ZMIZ2: variants seen among roughly 807,000 people sequenced by gnomAD.
ZMIZ2 encodes zinc finger MIZ-type containing 2.
Under a neutral mutation model 93.9 loss-of-function variants are expected in ZMIZ2, and 26 were observed. That is an observed-to-expected ratio of 0.28 (90% CI 0.20 to 0.38). The LOEUF (loss-of-function observed/expected upper bound fraction) is 0.38, where lower values mean the gene tolerates loss of function less well. ZMIZ2 is among the 10% of genes least tolerant of loss of function. The pLI, the probability that ZMIZ2 is intolerant of heterozygous loss-of-function variation, is 1.00. For synonymous variants in ZMIZ2, 485 were observed against 516.4 expected (o/e 0.94, Z 0.82); for missense variants, 1,023 against 1,235.0 (o/e 0.83, Z 2.57).
At chr7:44,759,101 A>AC (rs1303549325) in intron 6 of ZMIZ2, among the ~76,000 whole-genome samples, 180 bp from the exon 7 acceptor site, 49 of 150,444 alleles carry the variant, frequency 3.3e-4, no homozygotes, top group African/African-American at 1.1e-3. Context: ...AAAAAAAAAA[A>AC]AAAAAACAGG....
At position 44,766,264 on chromosome 7, in the gene ZMIZ2, C is replaced by G. The variant is rs1447460814; in HGVS notation, c.2343C>G (p.Ile781Met). 6.3e-7 allele frequency: 1 copy of G among 1,595,144 alleles called. No homozygotes were observed. Among genetic ancestry groups the G allele is most frequent in the Non-Finnish European group, 8.5e-7 (1 of 1,170,214 alleles). The change falls in exon 17 of 19, where the codon ATC becomes ATG. Residue 781 changes from isoleucine to methionine, a missense_variant. Ile to Met is a conservative substitution (Grantham distance 10). Around this residue, in one of 3 missense-constraint regions of ZMIZ2, gnomAD observed 319 missense variants for 358.8 expected, o/e 0.89. Coordinates refer to ENST00000309315, the MANE Select transcript of ZMIZ2 (RefSeq NM_031449.4). This position sits in a 1 kb window ranked among gnomAD's most constrained non-coding sequence, Gnocchi z 4.4. The stretch of plus-strand genomic sequence containing the variant: ...AGTTCACCCCGGGACCACCCCCCAT[C>G]TCCTACCAGTCTGACATTCCCAGCA... ...LAEFTPGPPPISYQSDIPSSL... is the reference protein window; with the variant it reads ...LAEFTPGPPPMSYQSDIPSSL...
chr7:44,752,552 A>G (rs556141099), intron 1 of ZMIZ2, among the ~76,000 whole-genome samples: 3 of 152,288 alleles, frequency 2.0e-5, no homozygotes, highest in East Asian at 1.9e-4. Context: ...GCAATCACCA[A>G]TCTGTTCTCC....
chr7:44,749,518 G>A (rs767413454), intron 1 of ZMIZ2, among the ~76,000 whole-genome samples: 9 of 152,210 alleles, frequency 5.9e-5, no homozygotes, highest in Non-Finnish European at 1.2e-4. Context: ...ACGACGCTGA[G>A]CGGCCAGCCC....
At chr7:44,759,096 A>AAC (rs992431743) in intron 6 of ZMIZ2, among the ~76,000 whole-genome samples, 185 bp from the exon 7 acceptor site, 1 of 147,568 alleles carries the variant, frequency 6.8e-6, no homozygotes, top group African/African-American at 2.5e-5. Flanking sequence ...AAAAAAAAAA[A>AAC]AAAAAAAAAA....
chr7:44,754,852 C>T (rs1790457303), intron 1 of ZMIZ2, among the ~76,000 whole-genome samples: 1 of 152,224 alleles, frequency 6.6e-6, no homozygotes, highest in African/African-American at 2.4e-5. Context: ...GAAGCGGCCT[C>T]TCCTGTGCTG....
Position 44,761,941 on chromosome 7 carries a change from G to C in ZMIZ2, c.1596+36G>C. On this transcript the variant is annotated intron_variant, in intron 11 of 18. Transcript: ENST00000309315. This position sits in a 1 kb window ranked among gnomAD's most constrained non-coding sequence, Gnocchi z 5.8. ...TGCGCCGAGGGGGCGGTGCTGTGGCGTGGGGCGGGGTGTGGTGGGGCCTGG... is the reference window on the plus strand; with the variant it reads ...TGCGCCGAGGGGGCGGTGCTGTGGCCTGGGGCGGGGTGTGGTGGGGCCTGG... 1 of 1,579,912 alleles carries C rather than the reference G, an allele frequency of 6.3e-7. No homozygotes were observed. Among genetic ancestry groups the C allele is most frequent in the Non-Finnish European group, 8.6e-7 (1 of 1,166,846 alleles).
intron 6 of ZMIZ2, among the ~76,000 whole-genome samples, chr7:44,759,068 T>G (rs1298119934): frequency 3.3e-5 from 4 of 121,922 alleles, no homozygotes; most frequent in Non-Finnish European, 4.8e-5. Flanking sequence ...GGCAACAGAG[T>G]GAGACTGTCT....
chr7:44,766,056 G>T lies in ZMIZ2; in HGVS notation c.2243-108G>T. On this transcript the variant is annotated intron_variant, in intron 16 of 18. Coordinates refer to ENST00000309315, the MANE Select transcript of ZMIZ2 (RefSeq NM_031449.4). The surrounding 1 kb of genome is among the most constrained non-coding windows in gnomAD (Gnocchi z 4.4). ...TCTGCAAAACCCGCTGTTGTTTGTG[G>T]GTGAGCACTGCAAGTCCCACCCATG... The T allele has an allele frequency of 6.8e-7, 1 of 1,476,916 alleles. No individual in the cohort carries two copies. The highest frequency in any genetic ancestry group is 8.9e-7 in the Non-Finnish European group (1 of 1,121,580). The allele number at this position is 1,476,916 out of a possible 1,614,324, so 91.5% of individuals were successfully genotyped here. A position where few individuals can be genotyped will look rare whatever the true frequency, so the allele number is the denominator to read the frequency against.
In ZMIZ2 at chr7:44,767,551, G is replaced by C. The variant is rs1438507201; in HGVS notation, c.2691G>C (p.Leu897=). 4.3e-6 allele frequency: 7 copies of C among 1,614,022 alleles called. No homozygotes were observed. Among genetic ancestry groups the C allele is most frequent in the East Asian group, 2.2e-5 (1 of 44,894 alleles). The part of the protein sequence containing the change: ...LPELTNPDEL[L]SYLGPPDLPT... ...AACTGACCAACCCTGATGAGCTACT[G>C]TCCTACTTGGGCCCACCCGACCTCC... The change falls in exon 19 of 19, where the codon CTG becomes CTC. Residue 897 remains leucine, a synonymous_variant. Transcript: ENST00000309315.
At position 44,761,619 on chromosome 7, in the gene ZMIZ2, A is replaced by ACC. The variant is rs769333922; in HGVS notation, c.1385+30_1385+31dup. The ACC allele has an allele frequency of 1.1e-5, 17 of 1,612,478 alleles. No homozygotes were observed. In the South Asian group the frequency reaches 1.9e-4, roughly 18 times the overall value. ...GTGAGCTCCGCCTGGCCCCCACCTG[A>ACC]CCCCCACGAGGCTCTGTTCCTCCTC... On this transcript the variant is annotated intron_variant, in intron 10 of 18. Transcript: ENST00000309315. The surrounding 1 kb of genome is among the most constrained non-coding windows in gnomAD (Gnocchi z 5.8).
intron 5 of ZMIZ2, 95 bp from the exon 6 acceptor site, chr7:44,757,753 T>C: frequency 8.4e-6 from 8 of 951,282 alleles, no homozygotes; most frequent in Non-Finnish European, 1.1e-5. Flanking sequence ...TGAAAGGGTA[T>C]GGTGCCCACA....
chr7:44,757,100 G>A lies in ZMIZ2; in HGVS notation c.319G>A (p.Gly107Ser). The A allele has an allele frequency of 6.2e-7, 1 of 1,604,362 alleles. No individual in the cohort carries two copies. Among genetic ancestry groups the A allele is most frequent in the Non-Finnish European group, 8.5e-7 (1 of 1,177,490 alleles). The change falls in exon 4 of 19, where the codon GGC becomes AGC. Residue 107 changes from glycine to serine, a missense_variant. Gly to Ser is a moderately conservative substitution (Grantham distance 56, BLOSUM62 0). Coordinates refer to ENST00000309315, the MANE Select transcript of ZMIZ2 (RefSeq NM_031449.4). Reference protein sequence around the residue: ...GGANKGYVQQGVYSRGGYPGA... With the variant: ...GGANKGYVQQSVYSRGGYPGA... ...CGCCAACAAGGGCTACGTGCAGCAA[G>A]GCGTGTACAGCCGCGGGGGCTACCC...
At chr7:44,752,498 G>A (rs1380845243) in intron 1 of ZMIZ2, among the ~76,000 whole-genome samples, 1 of 152,150 alleles carries the variant, frequency 6.6e-6, no homozygotes, top group Non-Finnish European at 1.5e-5. Context: ...CAGAAATGGA[G>A]AAGAGATTAG....
chr7:44,756,911 G>C, intron 3 of ZMIZ2, 36 bp from the exon 4 acceptor site: 1 of 1,609,298 alleles, frequency 6.2e-7, no homozygotes, highest in South Asian at 1.1e-5. Context: ...CACGTTGTTT[G>C]GCTGGTTCCC....
At chr7:44,764,897 G>T in intron 14 of ZMIZ2, 44 bp from the exon 15 acceptor site, 1 of 1,607,116 alleles carries the variant, frequency 6.2e-7, no homozygotes, top group Middle Eastern at 1.7e-4. Flanking sequence ...CCCAGGACAG[G>T]GTTGTGCAAG....
intron 1 of ZMIZ2, among the ~76,000 whole-genome samples, chr7:44,752,284 C>T (rs549270138): frequency 4.3e-4 from 65 of 152,146 alleles, no homozygotes; most frequent in African/African-American, 1.4e-3. Context: ...CCCACCACTA[C>T]GCCCGGTTAG....
Position 44,761,521 on chromosome 7 carries a change from T to A in ZMIZ2, c.1313T>A (p.Leu438Gln). Residue 438 changes from leucine to glutamine, a missense_variant, in exon 10 of 19, where the codon CTG becomes CAG. Leu to Gln is a moderately radical substitution (Grantham distance 113). Around this residue, in one of 3 missense-constraint regions of ZMIZ2, gnomAD observed 656 missense variants for 777.1 expected, o/e 0.84. Coordinates refer to ENST00000309315, the MANE Select transcript of ZMIZ2 (RefSeq NM_031449.4). The surrounding 1 kb of genome is among the most constrained non-coding windows in gnomAD (Gnocchi z 5.8). ...GGGGTGGTCCTGGAGCCCTTCCGCC[T>A]GCAGCACAACCTGGCTGTAAGCAAC... ...RDGVVLEPFR[L>Q]QHNLAVSNHV... is the part of the protein sequence containing the mutation. The A allele has an allele frequency of 6.2e-7, 1 of 1,614,150 alleles. No individual in the cohort carries two copies. Among genetic ancestry groups the A allele is most frequent in the Non-Finnish European group, 8.5e-7 (1 of 1,180,036 alleles).
In ZMIZ2 at chr7:44,767,431, A is replaced by G. The variant is rs1791830225; in HGVS notation, c.2656-85A>G. On this transcript the variant is annotated intron_variant, in intron 18 of 18. Transcript: ENST00000309315. ...CAGCATCCCCACTGTGCCTGGAGACAGGGCCGGGATGTGGTGACAGGATGG... is the reference window on the plus strand; with the variant it reads ...CAGCATCCCCACTGTGCCTGGAGACGGGGCCGGGATGTGGTGACAGGATGG... 60 of 1,185,680 alleles carry G rather than the reference A, an allele frequency of 5.1e-5. No individual in the cohort carries two copies. The South Asian group carries it at 7.6e-4, about 15-fold the overall frequency. The allele number at this position is 1,185,680 out of a possible 1,614,324, so 73.4% of individuals were successfully genotyped here. A position where few individuals can be genotyped will look rare whatever the true frequency, so the allele number is the denominator to read the frequency against.
At position 44,760,073 on chromosome 7, in the gene ZMIZ2, G is replaced by A. The variant is rs1791013781; in HGVS notation, c.994-78G>A. ...AGTGTAAAGAAGACCGTGTATGGTG[G>A]GCTTCTAGGGTCAGGTCCAGGGGGC... On this transcript the variant is annotated intron_variant, in intron 7 of 18. Transcript: ENST00000309315. 4 of 1,469,120 alleles carry A rather than the reference G, an allele frequency of 2.7e-6. No homozygotes were observed. In the Admixed American group the frequency reaches 7.0e-5, roughly 26 times the overall value. 91.0% of individuals were successfully genotyped at this position (1,469,120 alleles called of 1,614,324 possible). A position where few individuals can be genotyped will look rare whatever the true frequency, so the allele number is the denominator to read the frequency against.
Sources: gnomAD v4.1 joint callset for allele counts (sites outside exome capture counted in the v4.1 genomes callset) on GRCh38, gnomAD v4.1.1 for gene constraint, gnomAD v4.1.1 regional missense constraint, Gnocchi (gnomAD v3.1) non-coding constraint, MANE v1.5 for transcripts, NCBI Gene and HGNC (gene_info 2026-07-23, HGNC 2026-07-21) for gene names.